FCER2: variants seen among roughly 807,000 people sequenced by gnomAD.
The protein encoded by FCER2 is Fc epsilon receptor II, also known as low affinity immunoglobulin epsilon Fc receptor.
In FCER2, 38 loss-of-function variants were observed where a neutral mutation model predicts 49.7. The ratio of observed to expected loss-of-function variants is 0.76; its 90% CI spans 0.59 to 1.00. The LOEUF (loss-of-function observed/expected upper bound fraction) is 1.00. Ranked by LOEUF, FCER2 falls within the 50% of genes least tolerant of loss-of-function variation. The pLI is 0.00. For missense variants in FCER2, 425 were observed against 419.5 expected (o/e 1.01, Z -0.11); for synonymous variants, 163 against 164.6 (o/e 0.99, Z 0.07).
intron 2 of FCER2, chr19:7,699,500 T>G: frequency 1.4e-6 from 2 of 1,380,726 alleles, no homozygotes; most frequent in Non-Finnish European, 1.9e-6. Context: ...TTTCTTTTTC[T>G]TTTTTTGTCA....
At chr19:7,699,228 CTG>C in intron 2 of FCER2, 1 of 455,812 alleles carries the variant, frequency 2.2e-6, no homozygotes, top group Non-Finnish European at 4.1e-6. Context: ...ACCCAGGACA[CTG>C]AGTCCCAGTT....
rs771296088 is a variant in FCER2 at position 7,697,034 on chromosome 19, G to A, written c.358C>T (p.Leu120=). 6.8e-6 allele frequency: 11 copies of A among 1,608,656 alleles called. No individual in the cohort carries two copies. The South Asian group carries it at 1.1e-4, about 16-fold the overall frequency. Residue 120 remains leucine (L), a synonymous_variant, in exon 7 of 11, where the codon CTG becomes TTG. Coordinates refer to ENST00000597921, the MANE Select transcript of FCER2 (RefSeq NM_001220500.2). ...TCACCCTGGGACTTGAAGCTGCTCA[G>A]ATCTGCTTGAAGCCCGTTCAGGTTC... The part of the protein sequence containing the change: ...SWNLNGLQAD[L]SSFKSQELNE...
chr19:7,690,807 C>T (rs73921524), intron 8 of FCER2, among the ~76,000 whole-genome samples: 2,049 of 152,138 alleles, frequency 0.013, 34 homozygotes, highest in African/African-American at 0.036. Context: ...AGCACGGTGT[C>T]GACCATCAAC....
rs759044439 is a variant in FCER2 at position 7,689,295 on chromosome 19, G to A, written c.864C>T (p.Cys288=). 83 of 1,613,190 alleles carry A rather than the reference G, an allele frequency of 5.1e-5. No individual in the cohort carries two copies. Among genetic ancestry groups the A allele is most frequent in the Non-Finnish European group, 6.7e-5 (79 of 1,179,814 alleles). The stretch of plus-strand genomic sequence containing the variant: ...CGGAACCTTCGCTGGCTGGCGGCGT[G>A]CATGTGGCCAGCCGGTCGCACACCC... ...GAWVCDRLAT[C]TPPASEGSAE... Residue 288 remains cysteine (C), a synonymous_variant, in exon 11 of 11, where the codon TGC becomes TGT. Transcript: ENST00000597921.
intron 8 of FCER2, among the ~76,000 whole-genome samples, chr19:7,693,399 C>T (rs1323456539): frequency 6.6e-6 from 1 of 151,706 alleles, no homozygotes; most frequent in Non-Finnish European, 1.5e-5. Context: ...GACATTGTTG[C>T]TATCGCCTCC....
rs1219602856 is a variant in FCER2 at position 7,698,394 on chromosome 19, T to C, written c.152A>G (p.Gln51Arg). 1 of 1,612,458 alleles carries C rather than the reference T, an allele frequency of 6.2e-7. No individual in the cohort carries two copies. Among genetic ancestry groups the C allele is most frequent in the South Asian group, 1.1e-5 (1 of 90,888 alleles). ...CCTCTCTTCCAGCTGTTTTAGACTC[T>C]GTGTGGTGTCCCAGTCTGGGGAGGG... Reference protein sequence around the residue: ...LLLLWHWDTTQSLKQLEERAA... With the variant: ...LLLLWHWDTTRSLKQLEERAA... The change falls in exon 4 of 11, where the codon CAG (glutamine) becomes CGG (arginine). Residue 51 changes from glutamine (Q) to arginine (R), a missense_variant. Transcript: ENST00000597921.
At chr19:7,690,034 C>A in intron 10 of FCER2, 125 bp downstream of exon 10, 3 of 684,146 alleles carry the variant, frequency 4.4e-6, no homozygotes, top group Non-Finnish European at 5.1e-6. Context: ...GCGTCCTTCT[C>A]CCCTGCACCC....
intron 1 of FCER2, among the ~76,000 whole-genome samples, chr19:7,700,358 G>A (rs920411224): frequency 6.6e-6 from 1 of 152,058 alleles, no homozygotes; most frequent in Non-Finnish European, 1.5e-5. Flanking sequence ...TTTTGGTGCC[G>A]GGCTGCGCAC....
Position 7,698,367 on chromosome 19 carries a change from GC to G in FCER2, c.178del (p.Ala60LeufsTer43). The G allele has an allele frequency of 3.7e-6, 6 of 1,612,030 alleles. No individual in the cohort carries two copies. The highest frequency in any genetic ancestry group is 5.1e-6 in the Non-Finnish European group (6 of 1,178,626). ...TQSLKQLEER[A>X]ARNVSQVSKN... ...TGACCCCTTCATACCGTTCCGGGCA[GC>G]CCTCTCTTCCAGCTGTTTTAGACTC... On this transcript the variant is annotated frameshift_variant, in exon 4 of 11. Coordinates refer to ENST00000597921, the MANE Select transcript of FCER2 (RefSeq NM_001220500.2). LOFTEE classifies it high-confidence loss of function.
chr19:7,699,563 G>C, intron 2 of FCER2, 176 bp downstream of exon 2: 1 of 1,211,504 alleles, frequency 8.3e-7, no homozygotes, highest in Non-Finnish European at 1.1e-6. Context: ...ACTCCTTCCT[G>C]GCTCTGTGCC....
At chr19:7,699,086 G>C (rs1448920044) in intron 2 of FCER2, among the ~76,000 whole-genome samples, 1 of 151,820 alleles carries the variant, frequency 6.6e-6, no homozygotes, top group African/African-American at 2.4e-5. Flanking sequence ...GACTCCCTCA[G>C]CCCCAACAAC....
rs547790901 is a variant in FCER2 at position 7,689,115 on chromosome 19, C to G, written c.*78G>C. 4.0e-6 allele frequency: 4 copies of G among 997,388 alleles called. No individual in the cohort carries two copies. The highest frequency in any genetic ancestry group is 1.5e-5 in the South Asian group (1 of 68,886). The allele number at this position is 997,388 out of a possible 1,614,324, so 61.8% of individuals were successfully genotyped here. On this transcript the variant is annotated 3_prime_UTR_variant, in exon 11 of 11. Coordinates refer to ENST00000597921, the MANE Select transcript of FCER2 (RefSeq NM_001220500.2). ...TGGGTGGCAGAAAATGTCACAGGGA[C>G]CTTTCAGCCACAAAGAGGCTTTTAG...
In FCER2 at chr19:7,698,314, C is replaced by A. The variant is rs373610212; in HGVS notation, c.190+42G>T. On this transcript the variant is annotated intron_variant, in intron 4 of 10. Coordinates refer to ENST00000597921, the MANE Select transcript of FCER2 (RefSeq NM_001220500.2). ...AGGAGCGGGATGAGTGCTGGGCATC[C>A]TAACCCTCACCCCCACCCCCTCCAC... The A allele has an allele frequency of 6.2e-6, 9 of 1,451,992 alleles. No individual in the cohort carries two copies. The South Asian group carries it at 1.0e-4, about 17-fold the overall frequency. The allele number at this position is 1,451,992 out of a possible 1,614,324, so 89.9% of individuals were successfully genotyped here. A position where few individuals can be genotyped will look rare whatever the true frequency, so the allele number is the denominator to read the frequency against.
At chr19:7,699,466 T>A in intron 2 of FCER2, 1 of 1,445,846 alleles carries the variant, frequency 6.9e-7, no homozygotes. Flanking sequence ...CCCCGCTCCC[T>A]AGCTGAAGCC....
chr19:7,692,697 A>G (rs1325564141), intron 8 of FCER2, among the ~76,000 whole-genome samples: 1 of 148,998 alleles, frequency 6.7e-6, no homozygotes, highest in Non-Finnish European at 1.5e-5. Flanking sequence ...CAAACACCTC[A>G]TGGCCAGAAG....
chr19:7,698,462 C>G, intron 3 of FCER2, 53 bp from the exon 4 acceptor site: 1 of 1,376,074 alleles, frequency 7.3e-7, no homozygotes, highest in Admixed American at 1.8e-5. Context: ...AGTGCCCCCA[C>G]CTGCCTGCAC....
At chr19:7,691,438 A>T (rs1401442438) in intron 8 of FCER2, among the ~76,000 whole-genome samples, 1 of 116,660 alleles carries the variant, frequency 8.6e-6, no homozygotes, top group Non-Finnish European at 1.7e-5. Context: ...CACCATCGCC[A>T]TCGACAGCTC....
Position 7,689,161 on chromosome 19 carries a change from G to C in FCER2, c.*32C>G. 1.4e-6 allele frequency: 2 copies of C among 1,481,396 alleles called. No homozygotes were observed. Among genetic ancestry groups the C allele is most frequent in the Non-Finnish European group, 1.9e-6 (2 of 1,062,666 alleles). The allele number at this position is 1,481,396 out of a possible 1,614,324, so 91.8% of individuals were successfully genotyped here. ...TTTAGGCCGTGGTTGGGGGTCTTCA[G>C]GGTCTTGCTCTGGGCCTGGCTGTAT... On this transcript the variant is annotated 3_prime_UTR_variant, in exon 11 of 11. Transcript: ENST00000597921.
At position 7,690,229 on chromosome 19, in the gene FCER2, AGGAGCCGG is replaced by A; in HGVS notation, c.650_657del (p.Thr217MetfsTer57). ...AGGTCCAAGTTCCGAAGGCCAATCC[AGGAGCCGG>A]TGTGGCTGGCATGCTTGGTCAGGAA... On this transcript the variant is annotated frameshift_variant, in exon 10 of 11. Coordinates refer to ENST00000597921, the MANE Select transcript of FCER2 (RefSeq NM_001220500.2). LOFTEE classifies it high-confidence loss of function. 1.9e-6 allele frequency: 3 copies of A among 1,614,040 alleles called. No individual in the cohort carries two copies. The South Asian group carries it at 3.3e-5, about 18-fold the overall frequency.
Sources: allele counts gnomAD v4.1 joint callset (sites outside exome capture counted in the v4.1 genomes callset), GRCh38; gene constraint gnomAD v4.1.1; transcripts MANE v1.5; gene names NCBI Gene and HGNC (gene_info 2026-07-23, HGNC 2026-07-21).